CELF2: variants seen among roughly 807,000 people sequenced by gnomAD.
CELF2 encodes the protein CUGBP Elav-like family member 2, also known as CUG triplet repeat RNA-binding protein 2.
In CELF2, 8 loss-of-function variants were observed where a neutral mutation model predicts 62.6. The observed-to-expected ratio is 0.13, with a 90% CI of 0.07 to 0.23. The LOEUF is 0.23. Ranked by LOEUF, CELF2 falls within the 10% of genes least tolerant of loss-of-function variation. CELF2 has a pLI of 1.00. For missense variants in CELF2, 333 were observed against 671.0 expected, an observed-to-expected ratio of 0.50 and a Z score of 5.56; for synonymous variants, 258 against 250.0, an observed-to-expected ratio of 1.03 and a Z score of -0.30.
chr10:10,779,436 T>A, the CELF2 span, among the ~76,000 whole-genome samples: 1 of 152,186 alleles, frequency 6.6e-6, no homozygotes, highest in Non-Finnish European at 1.5e-5. Context: ...TGGGCCCCGT[T>A]CATTGCACCT....
the CELF2 span, among the ~76,000 whole-genome samples, chr10:10,721,472 G>A: frequency 1.8e-4 from 27 of 152,264 alleles, no homozygotes; most frequent in African/African-American, 6.3e-4. Context: ...TTTACCAAGT[G>A]GAAGTTTTGG....
At chr10:10,853,993 A>G (rs1009082932) in intron 1 of CELF2, among the ~76,000 whole-genome samples, 2 of 152,224 alleles carry the variant, frequency 1.3e-5, no homozygotes, top group African/African-American at 2.4e-5. Flanking sequence ...TTCTTTGTGT[A>G]GTTTCTGCAA....
intron 2 of CELF2, among the ~76,000 whole-genome samples, chr10:10,981,590 T>A (rs2052109191): frequency 6.6e-6 from 1 of 152,238 alleles, no homozygotes; most frequent in Non-Finnish European, 1.5e-5. Flanking sequence ...CCAATGAAAC[T>A]CAGAGGAAAT....
At chr10:10,637,670 C>T in the CELF2 span, among the ~76,000 whole-genome samples, 1 of 152,298 alleles carries the variant, frequency 6.6e-6, no homozygotes, top group African/African-American at 2.4e-5. Context: ...GGCACAGGAT[C>T]CCAACGGTCA....
At chr10:11,069,967 GCATT>G (rs1394240744) in intron 1 of CELF2, among the ~76,000 whole-genome samples, 2 of 152,172 alleles carry the variant, frequency 1.3e-5, no homozygotes, top group Non-Finnish European at 2.9e-5. Flanking sequence ...GCAGTTAGTT[GCATT>G]CAAGGAAGTT....
chr10:11,047,794 C>A (rs934408676), intron 1 of CELF2, among the ~76,000 whole-genome samples: 1 of 152,096 alleles, frequency 6.6e-6, no homozygotes, highest in Non-Finnish European at 1.5e-5. Flanking sequence ...GGGATATAGA[C>A]ATTTTCATTC....
intron 1 of CELF2, among the ~76,000 whole-genome samples, chr10:11,019,418 C>T (rs1040429073): frequency 2.0e-5 from 3 of 152,046 alleles, no homozygotes; most frequent in Admixed American, 1.3e-4. Context: ...TGTCTGGCAC[C>T]TTATGGTACT....
In CELF2 at chr10:11,328,487, A is replaced by G. The variant is rs1016817498; in HGVS notation, c.1439-439A>G. 8.5e-5 allele frequency among the ~76,000 whole-genome samples: 13 copies of G among 152,124 alleles called. No individual in the cohort carries two copies. The highest frequency in any genetic ancestry group is 2.9e-4 in the African/African-American group (12 of 41,416). ...CTTCCCGAGCCTGCCTGTTGGCCTC[A>G]CCTGGCTGGGACACGTGAGCCCCTA... is the stretch of plus-strand genomic sequence containing the variant. On this transcript the variant is annotated intron_variant, in intron 12 of 12. Transcript: ENST00000633077. This position sits in a 1 kb window ranked among gnomAD's most constrained non-coding sequence, Gnocchi z 6.4.
rs774126327 is a variant in CELF2 at position 11,242,648 on chromosome 10, A to G, written c.355-6505A>G. ...GGCTTTGCTCCAAAGTCGTACTCTC[A>G]TTTTCATTTTCATGAGTCACAGCTG... On this transcript the variant is annotated intron_variant, in intron 3 of 12. Transcript: ENST00000633077. This position sits in a 1 kb window ranked among gnomAD's most constrained non-coding sequence, Gnocchi z 4.8. Among the ~76,000 whole-genome samples the G allele has an allele frequency of 6.6e-6, 1 of 152,104 alleles. No individual in the cohort carries two copies. The highest frequency in any genetic ancestry group is 1.5e-5 in the Non-Finnish European group (1 of 68,022).
intron 1 of CELF2, among the ~76,000 whole-genome samples, chr10:11,106,329 C>A (rs921719966): frequency 2.6e-5 from 4 of 152,048 alleles, no homozygotes; most frequent in African/African-American, 9.7e-5. Flanking sequence ...CTCCGCCTCC[C>A]AGGTTCAAGC....
At chr10:10,657,852 A>G in the CELF2 span, among the ~76,000 whole-genome samples, 12 of 152,184 alleles carry the variant, frequency 7.9e-5, no homozygotes, top group Admixed American at 3.3e-4. Context: ...GAGCTATTTC[A>G]TAAGCAAATA....
At chr10:10,634,764 C>A in the CELF2 span, among the ~76,000 whole-genome samples, 1 of 151,326 alleles carries the variant, frequency 6.6e-6, no homozygotes, top group African/African-American at 2.4e-5. Context: ...CGGGTTCAAG[C>A]GATTCTCCTG....
chr10:11,318,982 C>T lies in CELF2; in HGVS notation c.1097-2207C>T, dbSNP rs887372662. 10 of 471,118 alleles carry T rather than the reference C, an allele frequency of 2.1e-5. No individual in the cohort carries two copies. Among genetic ancestry groups the T allele is most frequent in the Non-Finnish European group, 2.6e-5 (6 of 227,048 alleles). The allele number at this position is 471,118 out of a possible 1,614,324, so 29.2% of individuals were successfully genotyped here. ...CCACCCCTCCATGGGAACTTGGAGG[C>T]GTCCACTGGAGACGAGCTGCTGTCT... On this transcript the variant is annotated intron_variant, in intron 10 of 12. Transcript: ENST00000633077. The surrounding 1 kb of genome is among the most constrained non-coding windows in gnomAD (Gnocchi z 5.4).
intron 2 of CELF2, among the ~76,000 whole-genome samples, chr10:11,181,358 T>C (rs926264819): frequency 5.3e-5 from 8 of 152,346 alleles, no homozygotes; most frequent in Non-Finnish European, 1.0e-4. Flanking sequence ...TCAGTTGTCA[T>C]TGATGTCTCT....
At chr10:10,893,194 A>G (rs777227940) in intron 1 of CELF2, among the ~76,000 whole-genome samples, 2 of 152,246 alleles carry the variant, frequency 1.3e-5, no homozygotes, top group African/African-American at 2.4e-5. Context: ...TTGCAGAGGC[A>G]GGGCATTTCA....
the CELF2 span, among the ~76,000 whole-genome samples, chr10:10,540,941 T>C: frequency 6.6e-6 from 1 of 151,950 alleles, no homozygotes; most frequent in African/African-American, 2.4e-5. Context: ...TCCTAGCACT[T>C]TGGGAGGCCG....
At chr10:11,193,029 G>T (rs1220116907) in intron 2 of CELF2, among the ~76,000 whole-genome samples, 1 of 152,166 alleles carries the variant, frequency 6.6e-6, no homozygotes, top group Non-Finnish European at 1.5e-5. Flanking sequence ...AGATCTTCAT[G>T]ACTTTTTTTC....
At position 10,884,290 on chromosome 10, in the gene CELF2, T is replaced by C. The variant is rs2061617252; in HGVS notation, c.54-35674T>C. ...CTAAATGAGGGAGCTGTGTATTTTC[T>C]AGAGGCTGGCTTTGGGAAAGTAGAA... On this transcript the variant is annotated intron_variant, in intron 1 of 13. Coordinates refer to the CELF2 transcript ENST00000636488. 2.0e-5 allele frequency among the ~76,000 whole-genome samples: 3 copies of C among 152,322 alleles called. No individual in the cohort carries two copies. In the South Asian group the frequency reaches 6.2e-4, roughly 32 times the overall value.
At chr10:11,326,625 C>T (rs569367295) in intron 12 of CELF2, among the ~76,000 whole-genome samples, 4 of 152,242 alleles carry the variant, frequency 2.6e-5, no homozygotes, top group South Asian at 2.1e-4. Context: ...GGAAGGGATG[C>T]TCACAGAATG....
Sources: allele counts gnomAD v4.1 joint callset (sites outside exome capture counted in the v4.1 genomes callset), GRCh38; gene constraint gnomAD v4.1.1; non-coding constraint Gnocchi (gnomAD v3.1); transcripts MANE v1.5; gene names NCBI Gene and HGNC (gene_info 2026-07-23, HGNC 2026-07-21).